The following AFG2A variants were observed in gnomAD, a reference collection of about 807,000 sequenced individuals.
AFG2A encodes AAA ATPase AFG2A, also known as ATPase family gene 2 protein homolog A.
chr4:123,057,209 A>G, the AFG2A span: 1 of 1,613,910 alleles, frequency 6.2e-7, no homozygotes, highest in Non-Finnish European at 8.5e-7. Context: ...TTTCCACCAG[A>G]CCTTCCGAAA....
chr4:123,026,880 T>C, the AFG2A span, among the ~76,000 whole-genome samples: 1 of 152,362 alleles, frequency 6.6e-6, no homozygotes, highest in Admixed American at 6.5e-5. Flanking sequence ...TTATGCATCA[T>C]ATTCCTTAGT....
chr4:123,167,537 C>T, the AFG2A span, among the ~76,000 whole-genome samples: 1 of 151,880 alleles, frequency 6.6e-6, no homozygotes, highest in Non-Finnish European at 1.5e-5. Context: ...TTAGTAGAGA[C>T]GGGGTTTCAC....
the AFG2A span, chr4:122,933,381 C>T: frequency 7.5e-7 from 1 of 1,332,358 alleles, no homozygotes; most frequent in Non-Finnish European, 1.1e-6. Flanking sequence ...TTTTACATCA[C>T]AGTTTAGTTT....
At chr4:122,934,128 G>A in the AFG2A span, 2 of 1,611,554 alleles carry the variant, frequency 1.2e-6, no homozygotes, top group Non-Finnish European at 1.7e-6. Context: ...GCAACTTTCT[G>A]TATTGTACAT....
the AFG2A span, among the ~76,000 whole-genome samples, chr4:123,035,891 A>G: frequency 2.0e-4 from 30 of 152,286 alleles, no homozygotes; most frequent in Middle Eastern, 3.4e-3. Flanking sequence ...AAGAAAAAGG[A>G]TAATTTTAAA....
chr4:123,291,520 G>T, the AFG2A span, among the ~76,000 whole-genome samples: 17 of 152,146 alleles, frequency 1.1e-4, no homozygotes, highest in Admixed American at 1.1e-3. Context: ...GTCAAGTGGT[G>T]ACAAATTCCC....
chr4:123,260,531 G>A, the AFG2A span, among the ~76,000 whole-genome samples: 10 of 152,132 alleles, frequency 6.6e-5, no homozygotes, highest in Non-Finnish European at 1.2e-4. Flanking sequence ...ACTGATTAAC[G>A]TTTTTTCTGA....
the AFG2A span, among the ~76,000 whole-genome samples, chr4:122,975,106 T>C: frequency 6.6e-6 from 1 of 152,196 alleles, no homozygotes. Context: ...AAATACCACA[T>C]ACTTGGTAAT....
the AFG2A span, among the ~76,000 whole-genome samples, chr4:122,988,907 G>A: frequency 6.6e-6 from 1 of 152,046 alleles, no homozygotes; most frequent in African/African-American, 2.4e-5. Context: ...TGCTGTTGAA[G>A]TTTTCCATTG....
the AFG2A span, among the ~76,000 whole-genome samples, chr4:122,978,325 A>T: frequency 2.0e-5 from 3 of 152,058 alleles, no homozygotes; most frequent in African/African-American, 4.8e-5. Context: ...TGTCCCAGTG[A>T]ATGTCCTGCT....
At chr4:123,147,894 T>C in the AFG2A span, among the ~76,000 whole-genome samples, 1 of 152,308 alleles carries the variant, frequency 6.6e-6, no homozygotes, top group South Asian at 2.1e-4. Flanking sequence ...ACTTAGAACC[T>C]TATGTTCATA....
chr4:123,260,328 A>T, the AFG2A span, among the ~76,000 whole-genome samples: 1 of 152,148 alleles, frequency 6.6e-6, no homozygotes, highest in Non-Finnish European at 1.5e-5. Context: ...TTTTTAAATG[A>T]TCTGTCATGC....
At chr4:122,966,842 G>A in the AFG2A span, among the ~76,000 whole-genome samples, 1 of 152,064 alleles carries the variant, frequency 6.6e-6, no homozygotes, top group African/African-American at 2.4e-5. Flanking sequence ...GCCTTCTTGT[G>A]TACCCTCATA....
At chr4:123,027,385 C>G in the AFG2A span, among the ~76,000 whole-genome samples, 3 of 152,028 alleles carry the variant, frequency 2.0e-5, no homozygotes, top group Non-Finnish European at 4.4e-5. Flanking sequence ...CTTTCTGTCA[C>G]TTTTTGGCCT....
chr4:122,954,907 A>G, the AFG2A span, among the ~76,000 whole-genome samples: 8,141 of 152,128 alleles, frequency 0.054, 521 homozygotes, highest in African/African-American at 0.16. Flanking sequence ...CCATCCATCA[A>G]GGATAGTGGC....
the AFG2A span, chr4:122,934,284 A>G: frequency 6.2e-7 from 1 of 1,614,212 alleles, no homozygotes; most frequent in Non-Finnish European, 8.5e-7. Context: ...GCCTGGAGTT[A>G]TCCTTACAGC....
At chr4:123,143,655 G>C in the AFG2A span, among the ~76,000 whole-genome samples, 3 of 151,394 alleles carry the variant, frequency 2.0e-5, no homozygotes, top group Admixed American at 6.6e-5. Context: ...TAATAAATTG[G>C]CATTATATAC....
At chr4:123,120,060 A>G in the AFG2A span, among the ~76,000 whole-genome samples, 1 of 152,158 alleles carries the variant, frequency 6.6e-6, no homozygotes, top group African/African-American at 2.4e-5. Context: ...GGAGATTACA[A>G]TTCAAGATGA....
the AFG2A span, chr4:122,934,023 A>T: frequency 7.1e-7 from 1 of 1,411,252 alleles, no homozygotes; most frequent in Admixed American, 2.3e-5. Flanking sequence ...AATAGATGAA[A>T]TATATTGCTA....
Sources: allele counts gnomAD v4.1 joint callset (sites outside exome capture counted in the v4.1 genomes callset), GRCh38; gene constraint gnomAD v4.1.1; transcripts MANE v1.5; gene names NCBI Gene and HGNC (gene_info 2026-07-23, HGNC 2026-07-21).